NOSTRIN: variants seen among roughly 807,000 people sequenced by gnomAD.
NOSTRIN encodes nitric oxide synthase trafficking.
A neutral mutation model predicts 59.0 loss-of-function variants in NOSTRIN; 63 were observed. The ratio of observed to expected loss-of-function variants is 1.07; its 90% CI spans 0.87 to 1.32. The LOEUF (loss-of-function observed/expected upper bound fraction) is 1.32. Among genes scored for constraint, NOSTRIN ranks in the 40% most tolerant of loss-of-function variants. The probability of loss-of-function intolerance (pLI) is 0.00; values close to 1 mark genes in which losing one functional copy is unlikely to be tolerated. For missense variants in NOSTRIN, 512 were observed against 473.1 expected (o/e 1.08, Z -0.76); for synonymous variants, 200 against 165.4 (o/e 1.21, Z -1.61).
At chr2:168,835,126 G>A (rs953488244) in intron 7 of NOSTRIN, among the ~76,000 whole-genome samples, 1 of 151,826 alleles carries the variant, frequency 6.6e-6, no homozygotes. Flanking sequence ...CCAGGCTGGA[G>A]GGCAGTGGTG....
At chr2:168,834,496 C>T (rs1470248587) in intron 7 of NOSTRIN, among the ~76,000 whole-genome samples, 171 bp downstream of exon 7, 14 of 59,710 alleles carry the variant, frequency 2.3e-4, no homozygotes, top group East Asian at 2.8e-3. Flanking sequence ...GGCGTGCGCG[C>T]GCGCGCGCGC....
chr2:168,829,618 GC>G (rs1389904437), intron 5 of NOSTRIN, among the ~76,000 whole-genome samples: 1 of 152,180 alleles, frequency 6.6e-6, no homozygotes, highest in Admixed American at 6.5e-5. Flanking sequence ...ACTGCCCTCG[GC>G]CTAGAACAGT....
intron 2 of NOSTRIN, among the ~76,000 whole-genome samples, chr2:168,823,183 AT>A (rs1465876460): frequency 6.6e-5 from 10 of 151,658 alleles, no homozygotes; most frequent in Admixed American, 5.3e-4. Context: ...CACCTGGCTA[AT>A]TTTTTGTATT....
At chr2:168,835,114 G>A (rs1687642984) in intron 7 of NOSTRIN, among the ~76,000 whole-genome samples, 1 of 151,776 alleles carries the variant, frequency 6.6e-6, no homozygotes, top group Non-Finnish European at 1.5e-5. Context: ...TCACTCTGTG[G>A]CCCAGGCTGG....
At chr2:168,841,845 A>C (rs1242036202) in intron 7 of NOSTRIN, among the ~76,000 whole-genome samples, 1 of 152,244 alleles carries the variant, frequency 6.6e-6, no homozygotes, top group Non-Finnish European at 1.5e-5. Flanking sequence ...GAACTTGTCT[A>C]TGTTTATGCT....
At chr2:168,858,346 G>A (rs1363987039) in intron 12 of NOSTRIN, among the ~76,000 whole-genome samples, 1 of 152,224 alleles carries the variant, frequency 6.6e-6, no homozygotes, top group Non-Finnish European at 1.5e-5. Context: ...CTCTGCATCT[G>A]GGTAGACAGA....
chr2:168,847,005 A>C (rs1211076528), intron 8 of NOSTRIN, among the ~76,000 whole-genome samples: 1 of 152,248 alleles, frequency 6.6e-6, no homozygotes, highest in Non-Finnish European at 1.5e-5. Flanking sequence ...AACCAGACAC[A>C]GATTTCTATT....
chr2:168,864,576 C>A (rs372577955), intron 15 of NOSTRIN, among the ~76,000 whole-genome samples: 3 of 152,246 alleles, frequency 2.0e-5, no homozygotes, highest in African/African-American at 7.2e-5. Context: ...TCACCCACCA[C>A]GCCCAGCCAA....
At chr2:168,861,002 T>TATC in intron 14 of NOSTRIN, 93 bp downstream of exon 14, 1 of 773,104 alleles carries the variant, frequency 1.3e-6, no homozygotes, top group South Asian at 1.6e-5. Context: ...CTTTGACCTG[T>TATC]ATCTGTTTAA....
intron 7 of NOSTRIN, among the ~76,000 whole-genome samples, chr2:168,837,744 T>C (rs1375662352): frequency 6.6e-6 from 1 of 152,202 alleles, no homozygotes; most frequent in Non-Finnish European, 1.5e-5. Context: ...AAACAATGTC[T>C]TCTCATTGCT....
At chr2:168,807,190 C>T (rs1297452120) in intron 1 of NOSTRIN, among the ~76,000 whole-genome samples, 1 of 151,908 alleles carries the variant, frequency 6.6e-6, no homozygotes, top group Non-Finnish European at 1.5e-5. Flanking sequence ...AGTGAGACAA[C>T]CAAAACTAAA....
chr2:168,834,500 C>T (rs55824265), intron 7 of NOSTRIN, among the ~76,000 whole-genome samples, 175 bp downstream of exon 7: 2,116 of 102,426 alleles, frequency 0.021, 33 homozygotes, highest in African/African-American at 0.053. Flanking sequence ...TGCGCGCGCG[C>T]GCGCGCGCAC....
At chr2:168,810,697 C>T (rs143761074) in intron 1 of NOSTRIN, among the ~76,000 whole-genome samples, 53 of 152,302 alleles carry the variant, frequency 3.5e-4, no homozygotes, top group African/African-American at 8.4e-4. Context: ...TGTAAAATCT[C>T]ATTTTGAAAA....
chr2:168,864,326 G>A (rs1689707490), intron 15 of NOSTRIN, among the ~76,000 whole-genome samples: 3 of 148,544 alleles, frequency 2.0e-5, no homozygotes, highest in Non-Finnish European at 3.0e-5. Flanking sequence ...TGTTGCTGTT[G>A]CCCAGGCTAG....
intron 1 of NOSTRIN, among the ~76,000 whole-genome samples, chr2:168,809,360 A>G (rs575125615): frequency 6.6e-6 from 1 of 152,224 alleles, no homozygotes; most frequent in South Asian, 2.1e-4. Context: ...CTTCCCTCAC[A>G]TCTCCTTGGA....
intron 8 of NOSTRIN, among the ~76,000 whole-genome samples, chr2:168,846,142 C>A (rs181713528): frequency 6.6e-6 from 1 of 152,260 alleles, no homozygotes; most frequent in Admixed American, 6.5e-5. Context: ...AGGTCATTGA[C>A]TCACATATTA....
intron 8 of NOSTRIN, among the ~76,000 whole-genome samples, chr2:168,847,789 A>G (rs1688519743): frequency 1.3e-5 from 2 of 152,238 alleles, no homozygotes; most frequent in African/African-American, 4.8e-5. Flanking sequence ...AAAAAGAACA[A>G]GATAATAAAA....
At chr2:168,811,386 A>G in intron 1 of NOSTRIN, 181 bp from the exon 2 acceptor site, 1 of 374,116 alleles carries the variant, frequency 2.7e-6, no homozygotes, top group East Asian at 4.5e-5. Context: ...ATATCCAGGT[A>G]GAAGAGACTT....
In NOSTRIN at chr2:168,823,577, A is replaced by G. The variant is rs143060882; in HGVS notation, c.114-1057A>G. The stretch of plus-strand genomic sequence containing the variant: ...TTTTTCTCTGTGTACATGTCTGTTT[A>G]TGTCCAAATTTTCTCTTTATATGGG... On this transcript the variant is annotated intron_variant, in intron 2 of 15. Coordinates refer to ENST00000317647, the MANE Select transcript of NOSTRIN (RefSeq NM_001039724.4). Among the ~76,000 whole-genome samples the G allele has an allele frequency of 3.5e-3, 537 of 152,264 alleles. 10 individuals carry two copies. Among genetic ancestry groups the G allele is most frequent in the African/African-American group, 0.012 (503 of 41,540 alleles).
Sources: gnomAD v4.1 joint callset for allele counts (sites outside exome capture counted in the v4.1 genomes callset) on GRCh38, gnomAD v4.1.1 for gene constraint, MANE v1.5 for transcripts, NCBI Gene and HGNC (gene_info 2026-07-23, HGNC 2026-07-21) for gene names.